Variants in PRDM4 observed in about 807,000 individuals in gnomAD.
PRDM4 encodes the protein PR/SET domain 4, also known as PR domain zinc finger protein 4.
Under a neutral mutation model 62.3 loss-of-function variants are expected in PRDM4, and 38 were observed. That is an observed-to-expected ratio of 0.61 (90% CI 0.47 to 0.80). The LOEUF (loss-of-function observed/expected upper bound fraction) is 0.80. Among genes scored for constraint, PRDM4 ranks in the 30% least tolerant of loss-of-function variants. The probability of loss-of-function intolerance (pLI) is 0.00; values close to 1 mark genes in which losing one functional copy is unlikely to be tolerated. For missense variants in PRDM4, 858 were observed against 997.1 expected, an observed-to-expected ratio of 0.86 and a Z score of 1.88; for synonymous variants, 339 against 348.2, an observed-to-expected ratio of 0.97 and a Z score of 0.30.
intron 5 of PRDM4, among the ~76,000 whole-genome samples, chr12:107,746,629 C>T (rs1026144803): frequency 3.2e-4 from 49 of 152,108 alleles, no homozygotes; most frequent in African/African-American, 1.0e-3. Flanking sequence ...GGACTACAGG[C>T]GTGTGCCACC....
In PRDM4 at chr12:107,742,353, G is replaced by A; in HGVS notation, c.1482-5C>T. ...AAATTCTGCTCTTCCCGGTTCCTGA[G>A]TTATCACATTTAATAGATCAAGCAC... On this transcript the variant is annotated splice_polypyrimidine_tract_variant and splice_region_variant and intron_variant, in intron 8 of 11. Coordinates refer to ENST00000228437, the MANE Select transcript of PRDM4 (RefSeq NM_012406.4). 1.2e-6 allele frequency: 2 copies of A among 1,613,362 alleles called. No individual in the cohort carries two copies. The highest frequency in any genetic ancestry group is 1.7e-6 in the Non-Finnish European group (2 of 1,179,564).
intron 3 of PRDM4, 92 bp downstream of exon 3, chr12:107,756,740 C>T (rs1008463142): frequency 2.7e-6 from 4 of 1,458,492 alleles, no homozygotes; most frequent in African/African-American, 2.8e-5. Flanking sequence ...CTACCTTCTA[C>T]CCTTAAAGGG....
chr12:107,740,528 G>C (rs907868282), intron 10 of PRDM4, among the ~76,000 whole-genome samples: 4 of 151,772 alleles, frequency 2.6e-5, no homozygotes, highest in African/African-American at 9.7e-5. Flanking sequence ...CTAAAAGAAA[G>C]GTGTTGGTTT....
intron 4 of PRDM4, among the ~76,000 whole-genome samples, chr12:107,753,046 T>A (rs1203331732): frequency 6.6e-6 from 1 of 151,542 alleles, no homozygotes; most frequent in African/African-American, 2.4e-5. Context: ...AAAGATAAAG[T>A]GAAAAAAGTA....
In PRDM4 at chr12:107,753,872, A is replaced by G. The variant is rs1890978641; in HGVS notation, c.331+52T>C. 2.6e-6 allele frequency: 4 copies of G among 1,523,642 alleles called. No homozygotes were observed. In the East Asian group the frequency reaches 9.1e-5, roughly 35 times the overall value. 94.4% of individuals were successfully genotyped at this position (1,523,642 alleles called of 1,614,324 possible). A position where few individuals can be genotyped will look rare whatever the true frequency, so the allele number is the denominator to read the frequency against. ...TTCATATCTTCAGGATAAAAGTTTA[A>G]AAGCTGGCGCCGTTCTTTTTCTCTA... On this transcript the variant is annotated intron_variant, in intron 4 of 11. Transcript: ENST00000228437.
chr12:107,748,325 G>A (rs963158149), intron 5 of PRDM4, among the ~76,000 whole-genome samples: 6 of 152,080 alleles, frequency 3.9e-5, no homozygotes, highest in East Asian at 1.9e-4. Flanking sequence ...TTAAACATAC[G>A]GCAATTCTAC....
At chr12:107,742,116 GTATATGATTTGCTTCAGC>G (rs1436217615) in intron 9 of PRDM4, 87 bp downstream of exon 9, 4 of 1,229,902 alleles carry the variant, frequency 3.3e-6, no homozygotes, top group Non-Finnish European at 4.4e-6. Context: ...ACAAACAAAG[GTATATGATTTGCTTCAGC>G]TAACATGTAA....
At chr12:107,736,694 T>C (rs1221879601) in intron 11 of PRDM4, 1 of 152,186 alleles carries the variant, frequency 6.6e-6, no homozygotes, top group Non-Finnish European at 1.5e-5. Flanking sequence ...GAAAACTGTG[T>C]GTATGTGTGT....
At chr12:107,748,444 T>C (rs1423863523) in intron 5 of PRDM4, among the ~76,000 whole-genome samples, 3 of 152,206 alleles carry the variant, frequency 2.0e-5, no homozygotes, top group African/African-American at 7.2e-5. Context: ...GTCCATCAAC[T>C]GATAAATGGA....
intron 4 of PRDM4, among the ~76,000 whole-genome samples, chr12:107,753,595 A>C (rs1890969272): frequency 6.6e-6 from 1 of 152,162 alleles, no homozygotes; most frequent in Non-Finnish European, 1.5e-5. Context: ...GAACTTAAAA[A>C]ACATGACACT....
chr12:107,752,279 CTA>C (rs1890920472), intron 4 of PRDM4, 70 bp from the exon 5 acceptor site: 1 of 1,155,484 alleles, frequency 8.7e-7, no homozygotes, highest in Non-Finnish European at 1.2e-6. Context: ...GCACTAGACG[CTA>C]TTTCCTTACA....
chr12:107,748,646 AAGT>A (rs932568973), intron 5 of PRDM4, among the ~76,000 whole-genome samples: 1 of 152,226 alleles, frequency 6.6e-6, no homozygotes, highest in Admixed American at 6.5e-5. Flanking sequence ...TAGAGACAGA[AAGT>A]AGATTAGTGG....
intron 8 of PRDM4, among the ~76,000 whole-genome samples, chr12:107,742,763 CTTTT>C (rs750002269): frequency 6.6e-5 from 8 of 120,534 alleles, no homozygotes; most frequent in Non-Finnish European, 8.5e-5. Flanking sequence ...TGGTAAGTGC[CTTTT>C]TTTTTTTTTT....
At chr12:107,756,759 C>T (rs964028659) in intron 3 of PRDM4, 73 bp downstream of exon 3, 12 of 1,546,340 alleles carry the variant, frequency 7.8e-6, no homozygotes, top group Non-Finnish European at 9.7e-6. Flanking sequence ...GGGCTCTGAT[C>T]TCTTCTAGAC....
chr12:107,746,166 A>G, intron 6 of PRDM4, 109 bp downstream of exon 6: 1 of 1,331,278 alleles, frequency 7.5e-7, no homozygotes, highest in African/African-American at 1.5e-5. Flanking sequence ...TAAGCCATAA[A>G]TTGACTTTTG....
chr12:107,741,745 A>G (rs1890526343), intron 9 of PRDM4, among the ~76,000 whole-genome samples: 1 of 152,200 alleles, frequency 6.6e-6, no homozygotes, highest in South Asian at 2.1e-4. Context: ...AAAATAAAAT[A>G]GTGTACCAGG....
chr12:107,742,538 CA>C, intron 8 of PRDM4, 190 bp from the exon 9 acceptor site: 1 of 611,648 alleles, frequency 1.6e-6, no homozygotes, highest in Non-Finnish European at 2.8e-6. Flanking sequence ...CTTACTTCAA[CA>C]TATTAGCTGA....
At chr12:107,756,074 G>C (rs1593177030) in intron 3 of PRDM4, among the ~76,000 whole-genome samples, 1 of 149,668 alleles carries the variant, frequency 6.7e-6, no homozygotes, top group Non-Finnish European at 1.5e-5. Flanking sequence ...TGGTCGACAA[G>C]AGCGAAACTC....
intron 5 of PRDM4, 71 bp downstream of exon 5, chr12:107,751,344 C>T (rs776145024): frequency 9.4e-5 from 137 of 1,455,558 alleles, no homozygotes; most frequent in Middle Eastern, 6.1e-4. Flanking sequence ...CCAAACTTTA[C>T]GACTTAACTT....
Sources: allele counts gnomAD v4.1 joint callset (sites outside exome capture counted in the v4.1 genomes callset), GRCh38; gene constraint gnomAD v4.1.1; transcripts MANE v1.5; gene names NCBI Gene and HGNC (gene_info 2026-07-23, HGNC 2026-07-21).